The following TENM1 variants were observed in gnomAD, a reference collection of about 807,000 sequenced individuals.
TENM1 encodes the protein teneurin transmembrane protein 1.
TENM1 carries 35 observed loss-of-function variants against 174.8 expected under a neutral mutation model. That is an observed-to-expected ratio of 0.20 (90% CI 0.15 to 0.27). The LOEUF (loss-of-function observed/expected upper bound fraction) is 0.27, where lower values mean the gene tolerates loss of function less well. Ranked by LOEUF, TENM1 falls within the 10% of genes least tolerant of loss-of-function variation. The pLI, the probability that TENM1 is intolerant of heterozygous loss-of-function variation, is 1.00. For missense variants in TENM1, 1,633 were observed against 2,130.1 expected, an observed-to-expected ratio of 0.77 and a Z score of 4.59; for synonymous variants, 781 against 798.7, an observed-to-expected ratio of 0.98 and a Z score of 0.37.
At chrX:125,101,109 G>A in the TENM1 span, among the ~76,000 whole-genome samples, 16 of 111,556 alleles carry the variant, frequency 1.4e-4, no homozygotes, top group South Asian at 6.0e-3. Context: ...GTTAATGTAC[G>A]CCTGGCACAG....
the TENM1 span, among the ~76,000 whole-genome samples, chrX:125,140,156 C>G: frequency 9.0e-6 from 1 of 111,473 alleles, no homozygotes; most frequent in African/African-American, 3.3e-5. Flanking sequence ...GTGAACTACA[C>G]CTACGTTTTT....
chrX:125,051,395 A>C, the TENM1 span, among the ~76,000 whole-genome samples: 2 of 109,926 alleles, frequency 1.8e-5, no homozygotes, highest in Non-Finnish European at 3.8e-5. Flanking sequence ...AGTCAATCCT[A>C]AGCCAAAAGA....
At chrX:124,964,659 G>C (rs2058702558), upstream of TENM1, among the ~76,000 whole-genome samples, 1 of 111,681 alleles carries the variant, frequency 9.0e-6, no homozygotes, top group Admixed American at 9.5e-5. Flanking sequence ...AGAGTTTCGA[G>C]ACGATCAAGT....
At chrX:124,973,923 A>T in the TENM1 span, among the ~76,000 whole-genome samples, 1 of 111,796 alleles carries the variant, frequency 8.9e-6, no homozygotes, top group Admixed American at 9.5e-5. Flanking sequence ...ACACATGGAC[A>T]CAGGGAGGGG....
intron 23 of TENM1, among the ~76,000 whole-genome samples, chrX:124,447,700 A>G (rs2060980229): frequency 9.0e-6 from 1 of 110,926 alleles, no homozygotes; most frequent in Non-Finnish European, 1.9e-5. Context: ...CTTTTTTGAC[A>G]CCTTCATGGT....
chrX:124,672,386 C>T (rs1433630668), intron 5 of TENM1, among the ~76,000 whole-genome samples: 1 of 111,292 alleles, frequency 9.0e-6, no homozygotes, highest in Non-Finnish European at 1.9e-5. Context: ...TAATATTATG[C>T]AGAATGATTG....
intron 17 of TENM1, among the ~76,000 whole-genome samples, chrX:124,522,624 C>CT (rs1196040023): frequency 1.8e-5 from 2 of 108,493 alleles, no homozygotes; most frequent in African/African-American, 6.7e-5. Flanking sequence ...GATGAGAGAA[C>CT]TTGTCATGTC....
chrX:124,424,201 T>A (rs2060685379), intron 23 of TENM1, among the ~76,000 whole-genome samples: 1 of 112,556 alleles, frequency 8.9e-6, no homozygotes, highest in Admixed American at 9.4e-5. Flanking sequence ...ATATATCAGG[T>A]GCTCTGGTTT....
intron 20 of TENM1, among the ~76,000 whole-genome samples, chrX:124,493,722 G>A (rs966660713): frequency 5.4e-5 from 6 of 111,505 alleles, no homozygotes; most frequent in Non-Finnish European, 1.1e-4. Flanking sequence ...TGACTTTCCA[G>A]TAAGTAGGTG....
the TENM1 span, among the ~76,000 whole-genome samples, chrX:125,100,810 A>G: frequency 9.0e-6 from 1 of 111,522 alleles, no homozygotes; most frequent in Non-Finnish European, 1.9e-5. Flanking sequence ...CTACTTATAC[A>G]CCACTTTTTT....
At chrX:125,006,962 C>T in the TENM1 span, among the ~76,000 whole-genome samples, 1 of 111,474 alleles carries the variant, frequency 9.0e-6, no homozygotes, top group Non-Finnish European at 1.9e-5. Flanking sequence ...AGCCAGAATG[C>T]CTCTTCTCCT....
chrX:124,943,077 A>G (rs1168510632), intron 1 of TENM1, among the ~76,000 whole-genome samples: 2 of 111,551 alleles, frequency 1.8e-5, no homozygotes, highest in Non-Finnish European at 3.8e-5. Context: ...ATTTCAAATT[A>G]TTTTTAGGTC....
intron 23 of TENM1, among the ~76,000 whole-genome samples, chrX:124,436,604 C>G (rs1470244220): frequency 1.6e-4 from 18 of 110,107 alleles, no homozygotes; most frequent in African/African-American, 6.0e-4. Flanking sequence ...TGCCATTCTC[C>G]TGCCTCAGCC....
At chrX:124,939,159 C>T (rs2058288748) in intron 1 of TENM1, among the ~76,000 whole-genome samples, 2 of 111,851 alleles carry the variant, frequency 1.8e-5, no homozygotes, top group Non-Finnish European at 3.8e-5. Context: ...ATTACAACAC[C>T]TTTGACTAGG....
At chrX:125,060,185 A>T in the TENM1 span, among the ~76,000 whole-genome samples, 37 of 57,242 alleles carry the variant, frequency 6.5e-4, no homozygotes, top group Admixed American at 1.8e-3. Context: ...TCTCTCTCAC[A>T]CACACACACA....
intron 3 of TENM1, among the ~76,000 whole-genome samples, chrX:124,813,878 G>C (rs1310597401): frequency 9.0e-6 from 1 of 110,663 alleles, no homozygotes; most frequent in Non-Finnish European, 1.9e-5. Flanking sequence ...ATTCCATATG[G>C]TTCAAAAAAT....
At chrX:124,968,353 G>T (rs2058751760), upstream of TENM1, among the ~76,000 whole-genome samples, 2 of 111,420 alleles carry the variant, frequency 1.8e-5, no homozygotes, top group Non-Finnish European at 3.8e-5. Flanking sequence ...ATTTAAAAAA[G>T]AAAAATGTCT....
the TENM1 span, among the ~76,000 whole-genome samples, chrX:125,144,743 T>C: frequency 4.3e-4 from 24 of 56,461 alleles, no homozygotes; most frequent in Non-Finnish European, 2.5e-4. Context: ...TGCTCATAAT[T>C]TTTTTTTTTT....
At chrX:124,765,669 T>C in intron 3 of TENM1, among the ~76,000 whole-genome samples, 1 of 112,480 alleles carries the variant, frequency 8.9e-6, no homozygotes, top group Non-Finnish European at 1.9e-5. Flanking sequence ...TTATGACACG[T>C]CTTTGCCAAA....
Sources: gnomAD v4.1 joint callset for allele counts (sites outside exome capture counted in the v4.1 genomes callset) on GRCh38, gnomAD v4.1.1 for gene constraint, MANE v1.5 for transcripts, NCBI Gene and HGNC (gene_info 2026-07-23, HGNC 2026-07-21) for gene names.